The following ARHGAP20 variants were observed in gnomAD, a reference collection of about 807,000 sequenced individuals.
ARHGAP20 encodes rho GTPase-activating protein 20.
A neutral mutation model predicts 73.7 loss-of-function variants in ARHGAP20; 34 were observed. The observed-to-expected ratio is 0.46, with a 90% CI of 0.35 to 0.61. ARHGAP20 has a LOEUF of 0.61. Ranked by LOEUF, ARHGAP20 falls within the 20% of genes least tolerant of loss-of-function variation. ARHGAP20 has a pLI of 0.00. For synonymous variants in ARHGAP20, 523 were observed against 518.2 expected (o/e 1.01, Z -0.13); for missense variants, 1,314 against 1,420.9 (o/e 0.92, Z 1.21).
intron 2 of ARHGAP20, among the ~76,000 whole-genome samples, chr11:110,638,739 C>CT (rs1949019268): frequency 6.6e-6 from 1 of 151,344 alleles, no homozygotes; most frequent in African/African-American, 2.4e-5. Context: ...TCTCATCAGA[C>CT]TATCGCAAGG....
In ARHGAP20 at chr11:110,660,896, G is replaced by T. The variant is rs143984129; in HGVS notation, c.188+29651C>A. Among the ~76,000 whole-genome samples the T allele has an allele frequency of 3.7e-3, 558 of 152,040 alleles. 3 individuals carry two copies. The highest frequency in any genetic ancestry group is 0.012 in the African/African-American group (513 of 41,458). Reference sequence around the variant, plus strand: ...CCTGTCTCTAGTTCCAACACTACTTGCTCTGTAACCTTAGGCATCCAATCT... The same window carrying T: ...CCTGTCTCTAGTTCCAACACTACTTTCTCTGTAACCTTAGGCATCCAATCT... On this transcript the variant is annotated intron_variant, in intron 2 of 14. Coordinates refer to ENST00000683387, the MANE Select transcript of ARHGAP20 (RefSeq NM_001384657.1).
At chr11:110,633,567 A>G (rs1337401863) in intron 2 of ARHGAP20, among the ~76,000 whole-genome samples, 1 of 152,166 alleles carries the variant, frequency 6.6e-6, no homozygotes, top group Non-Finnish European at 1.5e-5. Flanking sequence ...TGAAACTGAT[A>G]GGCATTCAGT....
chr11:110,581,026 G>A lies in ARHGAP20; in HGVS notation c.1920C>T (p.Asp640=), dbSNP rs752727539. ...VEGLLTLSDF[D]LAHSKDEDVQ... ...CATCTTCATCTTTAGAATGGGCCAA[G>A]TCAAAGTCGCTTAGGGTTAAAAGGC... Residue 640 remains aspartate, a synonymous_variant, in exon 15 of 15, where the codon GAC becomes GAT. Coordinates refer to ENST00000683387, the MANE Select transcript of ARHGAP20 (RefSeq NM_001384657.1). 1.2e-6 allele frequency: 2 copies of A among 1,614,192 alleles called. No homozygotes were observed. Among genetic ancestry groups the A allele is most frequent in the Admixed American group, 3.3e-5 (2 of 60,024 alleles).
intron 2 of ARHGAP20, among the ~76,000 whole-genome samples, chr11:110,685,561 G>A (rs1950117459): frequency 1.3e-5 from 2 of 151,720 alleles, no homozygotes; most frequent in Admixed American, 1.3e-4. Context: ...AAAGAACACT[G>A]GAGATAAAAC....
chr11:110,688,063 T>C (rs111330838), intron 2 of ARHGAP20, among the ~76,000 whole-genome samples: 99 of 152,278 alleles, frequency 6.5e-4, no homozygotes, highest in African/African-American at 2.3e-3. Flanking sequence ...GTTACAGGCA[T>C]AGATAATTAT....
At chr11:110,678,913 G>A (rs1050967838) in intron 2 of ARHGAP20, among the ~76,000 whole-genome samples, 8 of 151,924 alleles carry the variant, frequency 5.3e-5, no homozygotes, top group African/African-American at 1.9e-4. Context: ...AATTCCACCC[G>A]CCTTGGCCTC....
At chr11:110,672,076 A>G (rs1452728789) in intron 2 of ARHGAP20, among the ~76,000 whole-genome samples, 1 of 152,220 alleles carries the variant, frequency 6.6e-6, no homozygotes, top group Non-Finnish European at 1.5e-5. Context: ...AACACAGGAT[A>G]ACATCTTTGA....
intron 8 of ARHGAP20, among the ~76,000 whole-genome samples, chr11:110,606,973 C>A (rs1948248264): frequency 1.3e-5 from 2 of 152,076 alleles, no homozygotes; most frequent in African/African-American, 4.8e-5. Context: ...AGAAAAAAAT[C>A]TTTAAAGATT....
intron 1 of ARHGAP20, among the ~76,000 whole-genome samples, chr11:110,703,821 C>G (rs755646674): frequency 2.8e-4 from 43 of 152,086 alleles, no homozygotes; most frequent in Non-Finnish European, 5.4e-4. Context: ...TAGAGTCAAT[C>G]ACCAATGTTC....
chr11:110,708,489 C>A (rs1950589650), intron 1 of ARHGAP20, among the ~76,000 whole-genome samples: 1 of 152,054 alleles, frequency 6.6e-6, no homozygotes, highest in African/African-American at 2.4e-5. Context: ...ATCCAAATGC[C>A]CATCAACAGA....
At position 110,645,210 on chromosome 11, in the gene ARHGAP20, A is replaced by T. The variant is rs1253073834; in HGVS notation, c.189-14418T>A. Among the ~76,000 whole-genome samples the T allele has an allele frequency of 2.6e-5, 4 of 151,970 alleles. No individual in the cohort carries two copies. The East Asian group carries it at 5.8e-4, about 22-fold the overall frequency. On this transcript the variant is annotated intron_variant, in intron 2 of 14. Coordinates refer to ENST00000683387, the MANE Select transcript of ARHGAP20 (RefSeq NM_001384657.1). ...TTTTTAGTAGAGACGGGGTTTCACC[A>T]TGTTGGCCAGGCTGATCTTCAACTC...
At chr11:110,680,454 G>A (rs1048906487) in intron 2 of ARHGAP20, among the ~76,000 whole-genome samples, 1 of 152,034 alleles carries the variant, frequency 6.6e-6, no homozygotes, top group South Asian at 2.1e-4. Context: ...GTTGTATAGG[G>A]GAAGAGAGTA....
At chr11:110,678,327 T>C (rs1422621590) in intron 2 of ARHGAP20, among the ~76,000 whole-genome samples, 2 of 152,342 alleles carry the variant, frequency 1.3e-5, no homozygotes, top group South Asian at 2.1e-4. Flanking sequence ...TAAAAACCAC[T>C]GAAGTGTACA....
At chr11:110,632,803 G>C (rs7949383) in intron 2 of ARHGAP20, among the ~76,000 whole-genome samples, 2,809 of 152,094 alleles carry the variant, frequency 0.018, 77 homozygotes, top group African/African-American at 0.063. Context: ...CAAATCTTTT[G>C]CTCATTTAAA....
chr11:110,678,100 G>A (rs529158180), intron 2 of ARHGAP20, among the ~76,000 whole-genome samples: 55 of 152,260 alleles, frequency 3.6e-4, no homozygotes, highest in African/African-American at 1.3e-3. Flanking sequence ...ACTGAAAGAA[G>A]CTAGCCACCA....
chr11:110,595,896 C>G (rs2134842331), intron 9 of ARHGAP20, among the ~76,000 whole-genome samples: 1 of 152,196 alleles, frequency 6.6e-6, no homozygotes, highest in South Asian at 2.1e-4. Context: ...TCAAACTATA[C>G]TACAAGGCTA....
Position 110,628,525 on chromosome 11 carries a change from A to G in ARHGAP20, c.353+2103T>C, listed in dbSNP as rs537268867. Among the ~76,000 whole-genome samples the G allele has an allele frequency of 5.3e-5, 8 of 152,298 alleles. No individual in the cohort carries two copies. In the South Asian group the frequency reaches 1.7e-3, roughly 32 times the overall value. ...TGCAAAGTGGCAGGATTTAATAATA[A>G]TAATAATCATCATCATCATCTCAAA... On this transcript the variant is annotated intron_variant, in intron 3 of 14. Transcript: ENST00000683387.
chr11:110,624,392 C>T, intron 3 of ARHGAP20, 81 bp from the exon 4 acceptor site: 2 of 1,172,620 alleles, frequency 1.7e-6, no homozygotes, highest in Non-Finnish European at 2.3e-6. Flanking sequence ...AGGCATCATC[C>T]TCAGCAAACT....
intron 2 of ARHGAP20, among the ~76,000 whole-genome samples, chr11:110,687,398 T>C (rs1950158414): frequency 6.6e-6 from 1 of 152,176 alleles, no homozygotes; most frequent in Non-Finnish European, 1.5e-5. Flanking sequence ...CATCATATTT[T>C]GCTACTACTA....
Sources: gnomAD v4.1 joint callset for allele counts (sites outside exome capture counted in the v4.1 genomes callset) on GRCh38, gnomAD v4.1.1 for gene constraint, MANE v1.5 for transcripts, NCBI Gene and HGNC (gene_info 2026-07-23, HGNC 2026-07-21) for gene names.